ROBO2: variants seen among roughly 807,000 people sequenced by gnomAD.
ROBO2 encodes roundabout guidance receptor 2.
In ROBO2, 53 loss-of-function variants were observed where a neutral mutation model predicts 160.8. The ratio of observed to expected loss-of-function variants is 0.33; its 90% CI spans 0.26 to 0.41. ROBO2 has a LOEUF of 0.41. ROBO2 is among the 10% of genes least tolerant of loss of function. The pLI, the probability that ROBO2 is intolerant of heterozygous loss-of-function variation, is 1.00. For synonymous variants in ROBO2, 664 were observed against 611.7 expected (o/e 1.09, Z -1.26); for missense variants, 1,577 against 1,722.4 (o/e 0.92, Z 1.49).
intron 2 of ROBO2, among the ~76,000 whole-genome samples, chr3:76,515,015 C>G (rs2081280874): frequency 6.6e-6 from 1 of 152,296 alleles, no homozygotes; most frequent in South Asian, 2.1e-4. Context: ...CCTTTTCTCT[C>G]ACTTCCCATG....
intron 1 of ROBO2, among the ~76,000 whole-genome samples, chr3:77,083,528 GA>G (rs2068912718): frequency 6.6e-6 from 1 of 152,248 alleles, no homozygotes; most frequent in South Asian, 2.1e-4. Flanking sequence ...GAGTGATGAG[GA>G]AAGGGAAAGA....
chr3:76,983,966 G>A (rs1559799733), intron 2 of ROBO2, among the ~76,000 whole-genome samples: 1 of 152,184 alleles, frequency 6.6e-6, no homozygotes, highest in Non-Finnish European at 1.5e-5. Flanking sequence ...AACAATCATG[G>A]CAGAATGCAA....
At chr3:76,708,501 A>G (rs912877331) in intron 2 of ROBO2, among the ~76,000 whole-genome samples, 2 of 152,186 alleles carry the variant, frequency 1.3e-5, no homozygotes, top group Non-Finnish European at 2.9e-5. Context: ...TTATTTGCAT[A>G]ATAAACTTCA....
chr3:76,082,855 G>C (rs1213907226), intron 2 of ROBO2, among the ~76,000 whole-genome samples: 3 of 152,002 alleles, frequency 2.0e-5, no homozygotes, highest in Admixed American at 1.3e-4. Flanking sequence ...TAAATATTTT[G>C]TGAATAAATC....
At chr3:76,791,733 C>T (rs1180799971) in intron 2 of ROBO2, among the ~76,000 whole-genome samples, 2 of 151,642 alleles carry the variant, frequency 1.3e-5, no homozygotes, top group Admixed American at 6.6e-5. Flanking sequence ...GGCTTTAAGC[C>T]GATAAATTTG....
chr3:76,701,268 A>C (rs2093039792), intron 2 of ROBO2, among the ~76,000 whole-genome samples: 1 of 152,128 alleles, frequency 6.6e-6, no homozygotes, highest in Non-Finnish European at 1.5e-5. Context: ...TAAGAGCATA[A>C]TCAAAAGTAA....
At position 76,512,912 on chromosome 3, in the gene ROBO2, G is replaced by T. The variant is rs1040906369; in HGVS notation, c.109+575310G>T. On this transcript the variant is annotated intron_variant, in intron 2 of 26. Transcript: ENST00000487694. ...AACCCGTATGTGCTAACCTCATTTC[G>T]CGGGCTGGGATAACAGCCATGAGCA... is the stretch of plus-strand genomic sequence containing the variant. Among the ~76,000 whole-genome samples, 3 of 152,022 alleles carry T rather than the reference G, an allele frequency of 2.0e-5. No individual in the cohort carries two copies. In the East Asian group the frequency reaches 5.8e-4, roughly 29 times the overall value.
chr3:77,427,847 G>A (rs1164464831), intron 2 of ROBO2, among the ~76,000 whole-genome samples: 3 of 152,104 alleles, frequency 2.0e-5, no homozygotes, highest in Non-Finnish European at 4.4e-5. Flanking sequence ...TTAAAGATAT[G>A]GTTAATAGGG....
intron 2 of ROBO2, among the ~76,000 whole-genome samples, chr3:76,529,466 G>A (rs899927184): frequency 1.5e-4 from 23 of 152,006 alleles, no homozygotes; most frequent in African/African-American, 4.6e-4. Context: ...CAATAATAAT[G>A]ATGACAATAA....
intron 2 of ROBO2, among the ~76,000 whole-genome samples, chr3:76,984,618 G>A (rs1026528903): frequency 2.6e-5 from 4 of 152,046 alleles, no homozygotes; most frequent in Non-Finnish European, 4.4e-5. Context: ...GAAAAAGTTT[G>A]AAAGATACAT....
chr3:77,151,889 C>G (rs1220620819), intron 2 of ROBO2, among the ~76,000 whole-genome samples: 1 of 152,094 alleles, frequency 6.6e-6, no homozygotes, highest in Non-Finnish European at 1.5e-5. Flanking sequence ...TATTGGTTTT[C>G]TTGGAATCGC....
intron 2 of ROBO2, among the ~76,000 whole-genome samples, chr3:77,270,018 C>T (rs1349875848): frequency 1.3e-5 from 2 of 152,128 alleles, no homozygotes. Context: ...TTGAATGTGT[C>T]AACTAAAGTT....
chr3:76,517,414 C>A (rs2081394645), intron 2 of ROBO2, among the ~76,000 whole-genome samples: 1 of 152,176 alleles, frequency 6.6e-6, no homozygotes, highest in Admixed American at 6.5e-5. Context: ...TTAACCTTCA[C>A]AGGAGCACTA....
chr3:77,551,105 T>C (rs2092904278), intron 8 of ROBO2, 116 bp downstream of exon 9: 5 of 1,113,378 alleles, frequency 4.5e-6, no homozygotes, highest in Middle Eastern at 5.2e-4. Flanking sequence ...GCTTATCTTT[T>C]AAGTTTGAAT....
intron 2 of ROBO2, among the ~76,000 whole-genome samples, chr3:76,208,118 G>A (rs1054953454): frequency 2.6e-5 from 4 of 152,106 alleles, no homozygotes; most frequent in African/African-American, 4.8e-5. Flanking sequence ...CCCAGAAGCC[G>A]AGCAGATGCC....
chr3:77,121,235 G>A (rs1449520286), intron 2 of ROBO2, among the ~76,000 whole-genome samples: 1 of 151,952 alleles, frequency 6.6e-6, no homozygotes, highest in East Asian at 1.9e-4. Context: ...GTGAGCCACC[G>A]AGCCCAGCCA....
At chr3:76,832,299 G>T (rs1393966915) in intron 2 of ROBO2, among the ~76,000 whole-genome samples, 1 of 152,160 alleles carries the variant, frequency 6.6e-6, no homozygotes, top group Non-Finnish European at 1.5e-5. Flanking sequence ...TGGATATTAT[G>T]CCAGACTATT....
chr3:77,625,047 A>AT (rs1054880321), intron 23 of ROBO2, among the ~76,000 whole-genome samples: 6 of 152,124 alleles, frequency 3.9e-5, no homozygotes, highest in African/African-American at 7.2e-5. Flanking sequence ...GACAGAGCCC[A>AT]TTTTTTTGTA....
At chr3:76,160,955 A>AT (rs1220838328) in intron 2 of ROBO2, among the ~76,000 whole-genome samples, 1 of 152,104 alleles carries the variant, frequency 6.6e-6, no homozygotes, top group Non-Finnish European at 1.5e-5. Flanking sequence ...ATGTTACATG[A>AT]TTTTTTTCAT....
Sources: gnomAD v4.1 joint callset for allele counts (sites outside exome capture counted in the v4.1 genomes callset) on GRCh38, gnomAD v4.1.1 for gene constraint, MANE v1.5 for transcripts, NCBI Gene and HGNC (gene_info 2026-07-23, HGNC 2026-07-21) for gene names.